ACACB: variants seen among roughly 807,000 people sequenced by gnomAD.
ACACB encodes the protein acetyl-CoA carboxylase beta.
Under a neutral mutation model 278.8 loss-of-function variants are expected in ACACB, and 209 were observed. The observed-to-expected ratio is 0.75, with a 90% confidence interval of 0.67 to 0.84. The LOEUF is 0.84. ACACB is among the 40% of genes least tolerant of loss of function. ACACB has a pLI of 0.00. For missense variants in ACACB, 2,850 were observed against 3,269.0 expected, an observed-to-expected ratio of 0.87 and a Z score of 3.13; for synonymous variants, 1,174 against 1,285.6, an observed-to-expected ratio of 0.91 and a Z score of 1.86.
At chr12:109,198,891 A>G (rs947323544) in intron 17 of ACACB, among the ~76,000 whole-genome samples, 1 of 152,030 alleles carries the variant, frequency 6.6e-6, no homozygotes, top group Admixed American at 6.6e-5. Context: ...CTCCCAAAGA[A>G]AGCATCACAG....
At chr12:109,198,072 A>T (rs987289927) in intron 17 of ACACB, among the ~76,000 whole-genome samples, 1 of 151,576 alleles carries the variant, frequency 6.6e-6, no homozygotes, top group African/African-American at 2.4e-5. Flanking sequence ...TAATTTTTGT[A>T]TTTTTTGTAG....
At chr12:109,145,453 C>T (rs896209320) in intron 2 of ACACB, among the ~76,000 whole-genome samples, 3 of 152,102 alleles carry the variant, frequency 2.0e-5, no homozygotes, top group South Asian at 2.1e-4. Flanking sequence ...CTTACCCCTT[C>T]CCACCATGCC....
chr12:109,210,090 CACACATGTGTGTGTATATGT>C (rs2045684846), intron 21 of ACACB, among the ~76,000 whole-genome samples: 1 of 111,736 alleles, frequency 8.9e-6, no homozygotes, highest in Non-Finnish European at 1.8e-5. Flanking sequence ...TGTATATATA[CACACATGTGTGTGTATATGT>C]ATATATACAC....
chr12:109,176,191 T>C lies in ACACB; in HGVS notation c.1365T>C (p.Ala455=). 1.2e-6 allele frequency: 2 copies of C among 1,614,204 alleles called. No individual in the cohort carries two copies. The highest frequency in any genetic ancestry group is 1.7e-6 in the Non-Finnish European group (2 of 1,180,038). Residue 455 remains alanine, a synonymous_variant, in exon 9 of 53, where the codon GCT becomes GCC. Coordinates refer to ENST00000338432, the MANE Select transcript of ACACB (RefSeq NM_001093.4). ...ERIGFPLMIK[A]SEGGGGKGIR... ...TTGGTTTTCCATTGATGATCAAAGC[T>C]TCTGAAGGTGGCGGAGGGAAGGGAA...
At chr12:109,135,129 C>T (rs967490758) in intron 1 of ACACB, among the ~76,000 whole-genome samples, 4 of 152,200 alleles carry the variant, frequency 2.6e-5, no homozygotes, top group African/African-American at 9.7e-5. Flanking sequence ...TAAATTCCTA[C>T]TGGCAATGGT....
chr12:109,201,830 C>T (rs939977730), intron 19 of ACACB, 129 bp downstream of exon 19: 294 of 1,276,982 alleles, frequency 2.3e-4, no homozygotes, highest in Non-Finnish European at 3.0e-4. Flanking sequence ...CAGAGCTCGT[C>T]GCAGCAGCCA....
Position 109,232,627 on chromosome 12 carries a change from T to C in ACACB, c.4002-42T>C, listed in dbSNP as rs559241983. 1.9e-6 allele frequency: 3 copies of C among 1,601,556 alleles called. No individual in the cohort carries two copies. The African/African-American group carries it at 4.0e-5, about 21-fold the overall frequency. The stretch of plus-strand genomic sequence containing the variant: ...TAGGAGCAGCTCGTAGAGTTGGGTC[T>C]GCAAGCAGCTGCCTCATCCCCGACT... On this transcript the variant is annotated intron_variant, in intron 28 of 52. Coordinates refer to ENST00000338432, the MANE Select transcript of ACACB (RefSeq NM_001093.4).
chr12:109,211,342 C>CTTTT (rs35008047), intron 21 of ACACB, among the ~76,000 whole-genome samples: 2 of 109,978 alleles, frequency 1.8e-5, no homozygotes, highest in Admixed American at 9.6e-5. Flanking sequence ...TGTGATTCCT[C>CTTTT]TTTTTTTTTT....
chr12:109,133,866 T>A (rs60075219), intron 1 of ACACB, among the ~76,000 whole-genome samples: 2,609 of 44,526 alleles, frequency 0.059, 16 homozygotes, highest in East Asian at 0.21. Flanking sequence ...TATATATATT[T>A]TTTTTTTTTT....
At chr12:109,122,263 C>T (rs570388062) in intron 1 of ACACB, among the ~76,000 whole-genome samples, 10 of 152,260 alleles carry the variant, frequency 6.6e-5, no homozygotes, top group South Asian at 2.1e-4. Context: ...ATCAATAAAA[C>T]GAGGCTTCCC....
chr12:109,209,912 C>A (rs751845259), intron 21 of ACACB, among the ~76,000 whole-genome samples: 1 of 61,182 alleles, frequency 1.6e-5, no homozygotes, highest in Non-Finnish European at 3.5e-5. Context: ...CATACACACA[C>A]GTGTGTATAT....
At position 109,258,618 on chromosome 12, in the gene ACACB, C is replaced by T. The variant is rs185868675; in HGVS notation, c.6360+254C>T. On this transcript the variant is annotated intron_variant, in intron 46 of 52. Coordinates refer to ENST00000338432, the MANE Select transcript of ACACB (RefSeq NM_001093.4). ...CTAGAAACCCCTCCCACCTCCTGCC[C>T]TGCCTCTGTTGCTGTTTCTGCGCTA... 4.5e-4 allele frequency among the ~76,000 whole-genome samples: 68 copies of T among 152,342 alleles called. 1 individual carries two copies. The East Asian group carries it at 0.011, about 25-fold the overall frequency.
At chr12:109,247,514 T>C in intron 39 of ACACB, 92 bp from the exon 40 acceptor site, 1 of 830,594 alleles carries the variant, frequency 1.2e-6, no homozygotes. Context: ...GTTATTAACA[T>C]CCATCCCTAC....
intron 2 of ACACB, among the ~76,000 whole-genome samples, chr12:109,147,262 A>C (rs538782934): frequency 6.7e-6 from 1 of 150,178 alleles, no homozygotes; most frequent in East Asian, 2.0e-4. Context: ...ACACAGTTTC[A>C]CTCTGTCACC....
intron 46 of ACACB, among the ~76,000 whole-genome samples, chr12:109,258,605 C>A (rs1168405049): frequency 6.6e-6 from 1 of 152,162 alleles, no homozygotes; most frequent in South Asian, 2.1e-4. Flanking sequence ...AGAAACCCCT[C>A]CCACCTCCTG....
chr12:109,187,279 T>C (rs1296660624), intron 12 of ACACB, among the ~76,000 whole-genome samples: 1 of 152,128 alleles, frequency 6.6e-6, no homozygotes, highest in Admixed American at 6.6e-5. Flanking sequence ...TTATCCAGAA[T>C]TGGAAATCTA....
chr12:109,247,274 G>C (rs1162955903), intron 39 of ACACB, among the ~76,000 whole-genome samples: 1 of 151,856 alleles, frequency 6.6e-6, no homozygotes, highest in East Asian at 1.9e-4. Context: ...AATTTTTGGG[G>C]TGGCAATAAA....
In ACACB at chr12:109,235,348, C is replaced by G. The variant is rs757426324; in HGVS notation, c.4383C>G (p.Ile1461Met). Reference protein sequence around the residue: ...NILVDYGLRRITFLIAQEKEF... With the variant: ...NILVDYGLRRMTFLIAQEKEF... ...TTGTGGATTATGGACTCCGACGAAT[C>G]ACATTCTTGATTGCCCAAGAGGTTA... The change falls in exon 32 of 53, where the codon ATC becomes ATG. Residue 1461 changes from isoleucine to methionine, a missense_variant. Ile to Met is a conservative substitution (Grantham distance 10). Transcript: ENST00000338432. 1 of 1,614,102 alleles carries G rather than the reference C, an allele frequency of 6.2e-7. No homozygotes were observed.
intron 1 of ACACB, among the ~76,000 whole-genome samples, chr12:109,118,311 A>G (rs1255889462): frequency 6.6e-6 from 1 of 152,142 alleles, no homozygotes; most frequent in African/African-American, 2.4e-5. Flanking sequence ...TGAGTATTAC[A>G]TTACATGAGA....
Sources: gnomAD v4.1 joint callset for allele counts (sites outside exome capture counted in the v4.1 genomes callset) on GRCh38, gnomAD v4.1.1 for gene constraint, MANE v1.5 for transcripts, NCBI Gene and HGNC (gene_info 2026-07-23, HGNC 2026-07-21) for gene names.